The following CPNE4 variants were observed in gnomAD, a reference collection of about 807,000 sequenced individuals.
The protein encoded by CPNE4 is copine 4, also known as copine-4.
A neutral mutation model predicts 67.9 loss-of-function variants in CPNE4; 25 were observed. The ratio of observed to expected loss-of-function variants is 0.37; its 90% confidence interval spans 0.27 to 0.51. The LOEUF is 0.51. Ranked by LOEUF, CPNE4 falls within the 20% of genes least tolerant of loss-of-function variation. The pLI, the probability that CPNE4 is intolerant of heterozygous loss-of-function variation, is 0.93. For missense variants in CPNE4, 464 were observed against 690.8 expected, an observed-to-expected ratio of 0.67 and a Z score of 3.68; for synonymous variants, 242 against 244.9, an observed-to-expected ratio of 0.99 and a Z score of 0.11.
At chr3:131,925,102 T>G (rs564809775) in intron 1 of CPNE4, among the ~76,000 whole-genome samples, 3 of 152,330 alleles carry the variant, frequency 2.0e-5, no homozygotes, top group African/African-American at 7.2e-5. Flanking sequence ...TCTCGTCATT[T>G]TGAGATTGCT....
At chr3:131,930,142 T>G (rs2071015598) in intron 1 of CPNE4, among the ~76,000 whole-genome samples, 1 of 152,134 alleles carries the variant, frequency 6.6e-6, no homozygotes. Context: ...TAGTGGAAAG[T>G]GCCTTAACTT....
chr3:131,656,371 C>T (rs993563597), intron 7 of CPNE4, among the ~76,000 whole-genome samples: 2 of 152,064 alleles, frequency 1.3e-5, no homozygotes, highest in African/African-American at 2.4e-5. Flanking sequence ...AAACATTAAC[C>T]TAATTAACCT....
intron 1 of CPNE4, among the ~76,000 whole-genome samples, chr3:131,988,246 CAGTT>C (rs1339818966): frequency 4.6e-5 from 7 of 152,258 alleles, no homozygotes; most frequent in African/African-American, 1.2e-4. Flanking sequence ...TGAGAAGTGA[CAGTT>C]AGCAGTAAAC....
At chr3:131,982,209 T>C (rs2072925618) in intron 1 of CPNE4, among the ~76,000 whole-genome samples, 1 of 152,240 alleles carries the variant, frequency 6.6e-6, no homozygotes, top group African/African-American at 2.4e-5. Flanking sequence ...AGATAAATTG[T>C]CTTACTACTA....
intron 1 of CPNE4, among the ~76,000 whole-genome samples, chr3:131,908,423 C>G (rs1240223201): frequency 6.6e-6 from 1 of 152,102 alleles, no homozygotes; most frequent in Non-Finnish European, 1.5e-5. Context: ...GTGTTACAAA[C>G]TCTCTTTATC....
rs543351390 is a variant in CPNE4 at position 131,988,103 on chromosome 3, T to C, written c.-2+46464A>G. ...ACATGAACAAGTCAGGGAAAATGCT[T>C]GTTCCCCTTCCCCCAGGATTTATGG... On this transcript the variant is annotated intron_variant, in intron 1 of 15. Coordinates refer to ENST00000429747, the MANE Select transcript of CPNE4 (RefSeq NM_130808.3). Among the ~76,000 whole-genome samples the C allele has an allele frequency of 8.5e-5, 13 of 152,302 alleles. No individual in the cohort carries two copies. The South Asian group carries it at 2.1e-3, about 24-fold the overall frequency.
At chr3:131,977,928 G>A (rs908025936) in intron 1 of CPNE4, among the ~76,000 whole-genome samples, 5 of 149,786 alleles carry the variant, frequency 3.3e-5, no homozygotes, top group Admixed American at 2.0e-4. Context: ...GAGAACATAC[G>A]ATGTTTGGTT....
At chr3:131,870,423 G>A (rs559460307) in intron 2 of CPNE4, among the ~76,000 whole-genome samples, 1 of 152,220 alleles carries the variant, frequency 6.6e-6, no homozygotes, top group African/African-American at 2.4e-5. Context: ...TAATAATCAG[G>A]CACAAAGAGG....
rs546304006 is a variant in CPNE4 at position 131,782,445 on chromosome 3, G to A, written c.181-58820C>T. Among the ~76,000 whole-genome samples, 159 of 151,616 alleles carry A rather than the reference G, an allele frequency of 1.0e-3. 2 individuals are homozygous for A. The highest frequency in any genetic ancestry group is 5.2e-4 in the Non-Finnish European group (35 of 67,856). On this transcript the variant is annotated intron_variant, in intron 2 of 15. Transcript: ENST00000429747. ...TTTAGACATATATAAATTCAGTTCC[G>A]TTTATTTCATCGATTTAAAGTAATA...
chr3:131,866,719 G>A (rs1216227520), intron 2 of CPNE4, among the ~76,000 whole-genome samples: 2 of 152,144 alleles, frequency 1.3e-5, no homozygotes, highest in African/African-American at 4.8e-5. Flanking sequence ...AAGAATCCAG[G>A]TTCAAAAGAA....
chr3:131,873,680 T>C (rs536888078), intron 2 of CPNE4, among the ~76,000 whole-genome samples: 180 of 152,314 alleles, frequency 1.2e-3, no homozygotes, highest in Middle Eastern at 3.4e-3. Context: ...TAATGACTAA[T>C]GCCCAGTCCC....
chr3:131,985,993 C>T (rs527238795), intron 1 of CPNE4: 4 of 154,166 alleles, frequency 2.6e-5, no homozygotes, highest in South Asian at 2.0e-4. Context: ...GGAAGAAATA[C>T]GATAATTATA....
At chr3:131,847,743 G>T (rs940463087) in intron 2 of CPNE4, among the ~76,000 whole-genome samples, 5 of 151,974 alleles carry the variant, frequency 3.3e-5, no homozygotes, top group Non-Finnish European at 7.4e-5. Context: ...TTCTTAAGGG[G>T]TCTCCCCACC....
intron 7 of CPNE4, among the ~76,000 whole-genome samples, chr3:131,603,388 G>A (rs185600235): frequency 1.8e-4 from 27 of 152,250 alleles, no homozygotes; most frequent in African/African-American, 5.5e-4. Flanking sequence ...ACCTAATAGG[G>A]ACTCAATAAG....
At chr3:131,656,933 T>C (rs1474536387) in intron 7 of CPNE4, among the ~76,000 whole-genome samples, 1 of 152,114 alleles carries the variant, frequency 6.6e-6, no homozygotes, top group Non-Finnish European at 1.5e-5. Context: ...TATATCAGGA[T>C]CTTCTAGAAA....
At chr3:131,952,655 T>C (rs1249608386) in intron 1 of CPNE4, among the ~76,000 whole-genome samples, 2 of 147,282 alleles carry the variant, frequency 1.4e-5, no homozygotes, top group South Asian at 2.2e-4. Context: ...CCGCCCCGTC[T>C]GGGAGGTGAG....
intron 7 of CPNE4, among the ~76,000 whole-genome samples, chr3:131,650,286 T>C (rs2079775899): frequency 6.6e-6 from 1 of 152,146 alleles, no homozygotes; most frequent in Admixed American, 6.5e-5. Context: ...GCCATATCTA[T>C]TGCTTAGAGA....
chr3:131,715,862 T>C (rs183764971), intron 3 of CPNE4, among the ~76,000 whole-genome samples: 127 of 152,302 alleles, frequency 8.3e-4, no homozygotes, highest in African/African-American at 3.0e-3. Flanking sequence ...TACCCACTAT[T>C]GGATGTAGCA....
chr3:131,640,965 T>C (rs1347302224), intron 7 of CPNE4, among the ~76,000 whole-genome samples: 1 of 152,148 alleles, frequency 6.6e-6, no homozygotes, highest in Non-Finnish European at 1.5e-5. Context: ...GCAAGCCACA[T>C]GCAGAAGAAT....
Sources: allele counts gnomAD v4.1 joint callset (sites outside exome capture counted in the v4.1 genomes callset), GRCh38; gene constraint gnomAD v4.1.1; transcripts MANE v1.5; gene names NCBI Gene and HGNC (gene_info 2026-07-23, HGNC 2026-07-21).